The following CUL3 variants were observed in gnomAD, a reference collection of about 807,000 sequenced individuals.
CUL3 encodes cullin-3.
A neutral mutation model predicts 89.1 loss-of-function variants in CUL3; 19 were observed. The observed-to-expected ratio is 0.21, with a 90% CI of 0.15 to 0.31. The LOEUF is 0.31. CUL3 is among the 10% of genes least tolerant of loss of function. The pLI, the probability that CUL3 is intolerant of heterozygous loss-of-function variation, is 1.00. For missense variants in CUL3, 469 were observed against 942.3 expected, an observed-to-expected ratio of 0.50 and a Z score of 6.58; for synonymous variants, 351 against 308.4, an observed-to-expected ratio of 1.14 and a Z score of -1.45.
At chr2:224,478,139 A>G (rs1691390051) in intron 15 of CUL3, 61 bp downstream of exon 15, 3 of 1,479,236 alleles carry the variant, frequency 2.0e-6, no homozygotes, top group Non-Finnish European at 2.7e-6. Flanking sequence ...GTTGAATACA[A>G]TAATTTTGTT....
chr2:224,577,062 C>T (rs1192393554), intron 1 of CUL3, among the ~76,000 whole-genome samples: 5 of 152,210 alleles, frequency 3.3e-5, no homozygotes, highest in Non-Finnish European at 7.3e-5. Context: ...AAGTGTATGG[C>T]ATTCGATGTA....
chr2:224,570,786 C>A (rs998084677), intron 1 of CUL3, among the ~76,000 whole-genome samples: 1 of 152,152 alleles, frequency 6.6e-6, no homozygotes, highest in Admixed American at 6.5e-5. Context: ...AAAGTTAAAT[C>A]ATCAATAGAA....
chr2:224,481,073 T>C (rs758186382), intron 14 of CUL3, among the ~76,000 whole-genome samples: 2 of 152,136 alleles, frequency 1.3e-5, no homozygotes, highest in African/African-American at 2.4e-5. Context: ...CAACTGTATA[T>C]TTAACATTAC....
intron 3 of CUL3, among the ~76,000 whole-genome samples, chr2:224,525,865 G>T (rs1401666735): frequency 3.3e-5 from 5 of 152,160 alleles, no homozygotes; most frequent in Non-Finnish European, 7.4e-5. Flanking sequence ...TCAGTTTTAA[G>T]ATGGTATAAA....
At chr2:224,502,495 C>T (rs1692429099) in intron 10 of CUL3, among the ~76,000 whole-genome samples, 1 of 152,138 alleles carries the variant, frequency 6.6e-6, no homozygotes, top group African/African-American at 2.4e-5. Context: ...CTCACTTCAC[C>T]TGCTACGCAC....
At chr2:224,533,841 G>A (rs901237514) in intron 3 of CUL3, among the ~76,000 whole-genome samples, 1 of 152,104 alleles carries the variant, frequency 6.6e-6, no homozygotes, top group African/African-American at 2.4e-5. Flanking sequence ...AAAGTGAAGT[G>A]GCCTCTCCCT....
rs975085747 is a variant in CUL3 at position 224,472,065 on chromosome 2, A to G, written c.*2180T>C. On this transcript the variant is annotated 3_prime_UTR_variant, in exon 16 of 16. Transcript: ENST00000264414. ...ATAATACTTATGCAGTCAAACATAT[A>G]AACATTTTGTGTGACCAGTTTTTTC... The G allele has an allele frequency of 4.3e-6, 1 of 230,542 alleles. No homozygotes were observed. Among genetic ancestry groups the G allele is most frequent in the Non-Finnish European group, 8.6e-6 (1 of 116,468 alleles). The allele number at this position is 230,542 out of a possible 1,614,324, so 14.3% of individuals were successfully genotyped here. A position where few individuals can be genotyped will look rare whatever the true frequency, so the allele number is the denominator to read the frequency against.
At chr2:224,510,219 GTTTT>G (rs1553522669) in intron 6 of CUL3, among the ~76,000 whole-genome samples, 1 of 105,350 alleles carries the variant, frequency 9.5e-6, no homozygotes, top group African/African-American at 3.4e-5. Context: ...GATGACTTCT[GTTTT>G]TTTTTTTTTT....
chr2:224,497,706 T>C (rs780200786), intron 12 of CUL3, 47 bp downstream of exon 12: 38 of 1,403,892 alleles, frequency 2.7e-5, no homozygotes, highest in South Asian at 9.3e-5. Flanking sequence ...TCAGCTCTAA[T>C]AGACTAACTT....
chr2:224,533,346 A>T (rs573425439), intron 3 of CUL3, among the ~76,000 whole-genome samples: 1 of 152,298 alleles, frequency 6.6e-6, no homozygotes, highest in Admixed American at 6.5e-5. Context: ...AAGCCTCATG[A>T]CTACTCTACC....
At chr2:224,577,506 T>C (rs1422164440) in intron 1 of CUL3, among the ~76,000 whole-genome samples, 1 of 151,554 alleles carries the variant, frequency 6.6e-6, no homozygotes, top group African/African-American at 2.4e-5. Context: ...GAGGTGGAGC[T>C]TGCACTGAGC....
chr2:224,581,493 T>C (rs182789321), intron 1 of CUL3, among the ~76,000 whole-genome samples: 582 of 151,530 alleles, frequency 3.8e-3, no homozygotes, highest in Non-Finnish European at 6.5e-3. Flanking sequence ...CTTAAACATA[T>C]ATAATTTTTC....
chr2:224,472,480 A>G lies in CUL3; in HGVS notation c.*1765T>C, dbSNP rs1394630466. The G allele has an allele frequency of 5.2e-6, 1 of 192,710 alleles. No homozygotes were observed. Among genetic ancestry groups the G allele is most frequent in the African/African-American group, 2.3e-5 (1 of 43,160 alleles). The allele number at this position is 192,710 out of a possible 1,614,324, so 11.9% of individuals were successfully genotyped here. A position where few individuals can be genotyped will look rare whatever the true frequency, so the allele number is the denominator to read the frequency against. ...TCCTATAAACATCTTACCATTATAGAAAATTTCCAATTATGTCAAAATCAG... is the reference window on the plus strand; with the variant it reads ...TCCTATAAACATCTTACCATTATAGGAAATTTCCAATTATGTCAAAATCAG... On this transcript the variant is annotated 3_prime_UTR_variant, in exon 16 of 16. Transcript: ENST00000264414.
chr2:224,549,756 G>T (rs1364385416), intron 2 of CUL3, among the ~76,000 whole-genome samples: 2 of 152,012 alleles, frequency 1.3e-5, no homozygotes, highest in African/African-American at 4.8e-5. Flanking sequence ...AATGAAAGAA[G>T]ATGGCTCCAC....
chr2:224,557,101 T>C (rs983218731), intron 2 of CUL3, among the ~76,000 whole-genome samples: 5 of 152,096 alleles, frequency 3.3e-5, no homozygotes, highest in African/African-American at 9.7e-5. Context: ...TTTACATGCA[T>C]TGGAAGAGTT....
intron 8 of CUL3, 23 bp from the exon 9 acceptor site, chr2:224,503,845 C>T (rs915537816): frequency 4.7e-6 from 7 of 1,498,534 alleles, no homozygotes; most frequent in East Asian, 2.3e-5. Flanking sequence ...GATGATGTAA[C>T]AATTATACAA....
At chr2:224,560,032 G>A (rs570612864) in intron 1 of CUL3, among the ~76,000 whole-genome samples, 27 of 152,170 alleles carry the variant, frequency 1.8e-4, no homozygotes, top group African/African-American at 6.5e-4. Flanking sequence ...GCAGTGAGTG[G>A]AGACTGCGCC....
intron 3 of CUL3, among the ~76,000 whole-genome samples, chr2:224,531,245 C>T (rs1488900230): frequency 6.6e-6 from 1 of 151,844 alleles, no homozygotes; most frequent in Non-Finnish European, 1.5e-5. Flanking sequence ...CACCACCACA[C>T]CTAGCAAATT....
intron 13 of CUL3, among the ~76,000 whole-genome samples, chr2:224,483,154 T>C (rs1459475461): frequency 6.6e-6 from 1 of 152,192 alleles, no homozygotes; most frequent in Non-Finnish European, 1.5e-5. Flanking sequence ...TAAATGCTAA[T>C]CCCAGAAAAT....
Sources: gnomAD v4.1 joint callset for allele counts (sites outside exome capture counted in the v4.1 genomes callset) on GRCh38, gnomAD v4.1.1 for gene constraint, MANE v1.5 for transcripts, NCBI Gene and HGNC (gene_info 2026-07-23, HGNC 2026-07-21) for gene names.